Variants in COL21A1 observed in about 807,000 individuals in gnomAD.
COL21A1 encodes collagen alpha-1(XXI) chain.
Under a neutral mutation model 137.9 loss-of-function variants are expected in COL21A1, and 149 were observed. That is an observed-to-expected ratio of 1.08 (90% CI 0.95 to 1.24). COL21A1 has a LOEUF of 1.24. Among genes scored for constraint, COL21A1 ranks in the 50% most tolerant of loss-of-function variants. The pLI, the probability that COL21A1 is intolerant of heterozygous loss-of-function variation, is 0.00. For synonymous variants in COL21A1, 456 were observed against 391.5 expected, an observed-to-expected ratio of 1.16 and a Z score of -1.95; for missense variants, 1,167 against 1,158.4, an observed-to-expected ratio of 1.01 and a Z score of -0.11.
intron 9 of COL21A1, among the ~76,000 whole-genome samples, chr6:56,159,331 T>C (rs1425179609): frequency 7.6e-6 from 1 of 131,074 alleles, no homozygotes; most frequent in Admixed American, 8.0e-5. Flanking sequence ...AAGTCTGAAT[T>C]ACATTTTTTT....
chr6:56,150,514 T>TCACACACACA (rs747022399), intron 10 of COL21A1, among the ~76,000 whole-genome samples: 26 of 46,194 alleles, frequency 5.6e-4, no homozygotes, highest in Middle Eastern at 0.013. Context: ...CGAGACTCCA[T>TCACACACACA]CACACACACA....
chr6:56,060,816 T>G, intron 26 of COL21A1, 21 bp from the exon 27 acceptor site: 1 of 1,595,056 alleles, frequency 6.3e-7, no homozygotes, highest in Non-Finnish European at 8.5e-7. Context: ...GTGTTAGGGG[T>G]TATAACATGC....
chr6:56,366,888 A>G (rs945100310), intron 1 of COL21A1, among the ~76,000 whole-genome samples: 4 of 152,254 alleles, frequency 2.6e-5, no homozygotes, highest in Non-Finnish European at 5.9e-5. Flanking sequence ...CTGTTCAACC[A>G]TGTAAGTATA....
At chr6:56,113,825 G>T (rs970602665) in intron 16 of COL21A1, among the ~76,000 whole-genome samples, 7 of 152,110 alleles carry the variant, frequency 4.6e-5, no homozygotes, top group African/African-American at 1.7e-4. Flanking sequence ...GGCCACAGGG[G>T]ATCCCACTGC....
chr6:56,239,361 A>G (rs1782119137), intron 1 of COL21A1, among the ~76,000 whole-genome samples: 1 of 152,188 alleles, frequency 6.6e-6, no homozygotes, highest in African/African-American at 2.4e-5. Flanking sequence ...CATGTATCTA[A>G]GTATTCATTT....
rs1771934951 is a variant in COL21A1 at position 56,116,415 on chromosome 6, A to AC, written c.1758+7646_1758+7647insG. Among the ~76,000 whole-genome samples, 3 of 150,994 alleles carry AC rather than the reference A, an allele frequency of 2.0e-5. No homozygotes were observed. In the South Asian group the frequency reaches 6.2e-4, roughly 31 times the overall value. On this transcript the variant is annotated intron_variant, in intron 16 of 29. Transcript: ENST00000244728. ...CAAAGGTAAAAAAAAAAAAAAAAAA[A>AC]AAAAAAAAACTTTACCCTAGTATAG...
chr6:56,273,871 T>A (rs555682721), intron 1 of COL21A1, among the ~76,000 whole-genome samples: 1 of 152,198 alleles, frequency 6.6e-6, no homozygotes, highest in Non-Finnish European at 1.5e-5. Flanking sequence ...CCTCCCTAAC[T>A]CATTCTATGA....
At chr6:56,378,787 C>T (rs935830271) in intron 1 of COL21A1, among the ~76,000 whole-genome samples, 3 of 152,232 alleles carry the variant, frequency 2.0e-5, no homozygotes, top group Admixed American at 6.5e-5. Flanking sequence ...CAGTGCTGTG[C>T]TGGCTTCAGG....
At chr6:56,377,981 C>T (rs2094002382) in intron 1 of COL21A1, among the ~76,000 whole-genome samples, 1 of 152,106 alleles carries the variant, frequency 6.6e-6, no homozygotes, top group African/African-American at 2.4e-5. Context: ...AGAAGGGAAC[C>T]TGCTTCCCTA....
At chr6:56,134,819 G>A (rs1773855056) in intron 12 of COL21A1, among the ~76,000 whole-genome samples, 1 of 152,178 alleles carries the variant, frequency 6.6e-6, no homozygotes, top group Admixed American at 6.5e-5. Flanking sequence ...TGTAAGACAT[G>A]ACTTGCTCCT....
chr6:56,177,624 C>G (rs555675862), intron 3 of COL21A1, among the ~76,000 whole-genome samples: 70 of 151,970 alleles, frequency 4.6e-4, no homozygotes, highest in African/African-American at 1.6e-3. Flanking sequence ...GAAACCCGTT[C>G]TCTACTAAAA....
intron 1 of COL21A1, among the ~76,000 whole-genome samples, chr6:56,215,085 CTG>C (rs140863): frequency 0.094 from 14,320 of 152,062 alleles, 852 homozygotes; most frequent in African/African-American, 0.17. Flanking sequence ...AATTTCAAAA[CTG>C]AGAAATTTGA....
rs558177232 is a variant in COL21A1 at position 56,224,078 on chromosome 6, T to C, written c.-39+23309A>G. ...TGGAGAGATTTACTAGTACCCTTTT[T>C]ATAAGACTGGGGATTTATTGAGCTT... On this transcript the variant is annotated intron_variant, in intron 1 of 29. Transcript: ENST00000244728. Among the ~76,000 whole-genome samples the C allele has an allele frequency of 5.9e-5, 9 of 152,254 alleles. No individual in the cohort carries two copies. In the East Asian group the frequency reaches 1.4e-3, roughly 23 times the overall value.
At chr6:56,173,232 GC>G in intron 3 of COL21A1, among the ~76,000 whole-genome samples, 1 of 152,014 alleles carries the variant, frequency 6.6e-6, no homozygotes, top group Non-Finnish European at 1.5e-5. Flanking sequence ...AACAAAATTA[GC>G]CATGCATGGT....
intron 9 of COL21A1, among the ~76,000 whole-genome samples, chr6:56,161,904 T>A (rs890767002): frequency 2.0e-5 from 3 of 152,186 alleles, no homozygotes; most frequent in African/African-American, 7.2e-5. Flanking sequence ...ATTTCTCCTC[T>A]GTTTCAGTCT....
At chr6:56,203,779 C>A (rs1409464927) in intron 1 of COL21A1, among the ~76,000 whole-genome samples, 1 of 152,208 alleles carries the variant, frequency 6.6e-6, no homozygotes, top group African/African-American at 2.4e-5. Flanking sequence ...GTTCATCTCA[C>A]TGGGACTGGT....
At chr6:56,107,351 T>G (rs1188733820) in intron 16 of COL21A1, among the ~76,000 whole-genome samples, 1 of 152,038 alleles carries the variant, frequency 6.6e-6, no homozygotes, top group African/African-American at 2.4e-5. Context: ...ATATCTGTAA[T>G]TGGAGTCCTT....
At chr6:56,200,346 G>A (rs1000561063) in intron 1 of COL21A1, among the ~76,000 whole-genome samples, 16 of 152,030 alleles carry the variant, frequency 1.1e-4, no homozygotes, top group African/African-American at 3.9e-4. Context: ...GGGTACATGT[G>A]CACAACGTGC....
intron 1 of COL21A1, among the ~76,000 whole-genome samples, chr6:56,336,017 A>G (rs190379888): frequency 1.1e-4 from 17 of 152,348 alleles, no homozygotes; most frequent in Admixed American, 1.0e-3. Flanking sequence ...TGAGGACAAC[A>G]GACAAGGCTA....
Sources: gnomAD v4.1 joint callset for allele counts (sites outside exome capture counted in the v4.1 genomes callset) on GRCh38, gnomAD v4.1.1 for gene constraint, MANE v1.5 for transcripts, NCBI Gene and HGNC (gene_info 2026-07-23, HGNC 2026-07-21) for gene names.